Variants in KLHDC8A observed in about 807,000 individuals in gnomAD.
KLHDC8A encodes the protein kelch domain containing 8A.
In KLHDC8A, 21 loss-of-function variants were observed where a neutral mutation model predicts 33.1. The observed-to-expected ratio is 0.64, with a 90% confidence interval of 0.45 to 0.91. KLHDC8A has a LOEUF of 0.91. Among genes scored for constraint, KLHDC8A ranks in the 40% least tolerant of loss-of-function variants. The probability of loss-of-function intolerance (pLI) is 0.00; values close to 1 mark genes in which losing one functional copy is unlikely to be tolerated. For synonymous variants in KLHDC8A, 173 were observed against 193.5 expected, an observed-to-expected ratio of 0.89 and a Z score of 0.88; for missense variants, 435 against 483.3, an observed-to-expected ratio of 0.90 and a Z score of 0.94.
chr1:205,337,598 A>T lies in KLHDC8A; in HGVS notation c.860-6T>A, dbSNP rs781570378. 1.9e-6 allele frequency: 3 copies of T among 1,603,010 alleles called. No homozygotes were observed. Among genetic ancestry groups the T allele is most frequent in the Non-Finnish European group, 2.6e-6 (3 of 1,173,324 alleles). ...CAGGACAGTGGGTTGATTCCCTGAA[A>T]GTGTCAAGGGAATCAGACCTTACAA... On this transcript the variant is annotated splice_polypyrimidine_tract_variant and splice_region_variant and intron_variant, in intron 5 of 5. Coordinates refer to ENST00000367155, the MANE Select transcript of KLHDC8A (RefSeq NM_018203.3).
At position 205,343,676 on chromosome 1, in the gene KLHDC8A, C is replaced by T; in HGVS notation, c.-72G>A. The stretch of plus-strand genomic sequence containing the variant: ...GGGTCCACCGGCTACTTGGCGCCGG[C>T]TCCCACGGCCCCTATCGCCACCTCC... On this transcript the variant is annotated 5_prime_UTR_variant, in exon 2 of 6. Coordinates refer to ENST00000367155, the MANE Select transcript of KLHDC8A (RefSeq NM_018203.3). 1 of 1,455,722 alleles carries T rather than the reference C, an allele frequency of 6.9e-7. No homozygotes were observed. The highest frequency in any genetic ancestry group is 2.4e-5 in the East Asian group (1 of 41,986). 90.2% of individuals were successfully genotyped at this position (1,455,722 alleles called of 1,614,324 possible). A position where few individuals can be genotyped will look rare whatever the true frequency, so the allele number is the denominator to read the frequency against.
At chr1:205,338,241 A>G (rs1007966275) in intron 5 of KLHDC8A, among the ~76,000 whole-genome samples, 5 of 152,204 alleles carry the variant, frequency 3.3e-5, no homozygotes, top group Admixed American at 6.5e-5. Flanking sequence ...CCTGTGCTGC[A>G]CGGCTACGGG....
chr1:205,349,785 C>T (rs1013699451), intron 1 of KLHDC8A, among the ~76,000 whole-genome samples: 4 of 152,150 alleles, frequency 2.6e-5, no homozygotes, highest in Admixed American at 1.3e-4. Flanking sequence ...TATTGCCGCC[C>T]GGGCCATACT....
At position 205,343,784 on chromosome 1, in the gene KLHDC8A, A is replaced by C. The variant is rs1671487065; in HGVS notation, c.-180T>G. 2 of 668,666 alleles carry C rather than the reference A, an allele frequency of 3.0e-6. No individual in the cohort carries two copies. The highest frequency in any genetic ancestry group is 3.5e-5 in the Admixed American group (1 of 28,864). 41.4% of individuals were successfully genotyped at this position (668,666 alleles called of 1,614,324 possible). ...GAGTCTCAGCGGTCCGGCGGCGTCC[A>C]CGCCTGGCCCTGCGGGGGGAACGCG... On this transcript the variant is annotated 5_prime_UTR_variant, in exon 2 of 6. Coordinates refer to ENST00000367155, the MANE Select transcript of KLHDC8A (RefSeq NM_018203.3).
At position 205,343,513 on chromosome 1, in the gene KLHDC8A, C is replaced by A. The variant is rs1210983433; in HGVS notation, c.92G>T (p.Gly31Val). ...RVYCSLLETG[G>V]QVYAIGGCDD... is the part of the protein sequence containing the mutation. ...ACATCCCCCGATGGCATAGACCTGG[C>A]CCCCGGTCTCCAGCAGGGAGCAGTA... Residue 31 changes from glycine (G) to valine (V), a missense_variant, in exon 2 of 6, where the codon GGC (glycine) becomes GTC (valine). Gly to Val is a moderately radical substitution (Grantham distance 109). Transcript: ENST00000367155. 5 of 1,613,068 alleles carry A rather than the reference C, an allele frequency of 3.1e-6. No individual in the cohort carries two copies. Among genetic ancestry groups the A allele is most frequent in the Non-Finnish European group, 4.2e-6 (5 of 1,179,616 alleles).
chr1:205,346,232 C>T (rs866446412), intron 1 of KLHDC8A, among the ~76,000 whole-genome samples: 6 of 152,184 alleles, frequency 3.9e-5, no homozygotes, highest in African/African-American at 4.8e-5. Context: ...TGAAATTTCA[C>T]GGAAACACCA....
intron 1 of KLHDC8A, among the ~76,000 whole-genome samples, chr1:205,353,451 C>T (rs1441729677): frequency 6.6e-6 from 1 of 152,198 alleles, no homozygotes; most frequent in Non-Finnish European, 1.5e-5. Flanking sequence ...CTATCTGGCC[C>T]TTTACAGAAA....
chr1:205,351,644 C>T (rs1663112359), intron 1 of KLHDC8A, among the ~76,000 whole-genome samples: 1 of 146,596 alleles, frequency 6.8e-6, no homozygotes, highest in Non-Finnish European at 1.5e-5. Context: ...CTTGGCTGGG[C>T]GTAGTGGCTC....
At chr1:205,353,391 T>C (rs7533637) in intron 1 of KLHDC8A, among the ~76,000 whole-genome samples, 51,439 of 152,106 alleles carry the variant, frequency 0.34, 8,941 homozygotes, top group South Asian at 0.41. Context: ...AACAGCAGAA[T>C]GGAGTAGTTG....
In KLHDC8A at chr1:205,356,598, G is replaced by A. The variant is rs1015067946; in HGVS notation, c.-255C>T. The A allele has an allele frequency of 6.6e-6, 3 of 456,192 alleles. No homozygotes were observed. Among genetic ancestry groups the A allele is most frequent in the East Asian group, 1.4e-4 (2 of 14,402 alleles). The allele number at this position is 456,192 out of a possible 1,614,324, so 28.3% of individuals were successfully genotyped here. A position where few individuals can be genotyped will look rare whatever the true frequency, so the allele number is the denominator to read the frequency against. ...CAAAAGACAAAGAAGGGGAGGGGCC[G>A]GGAGAGGGTCGAGCGGGTGTTGGCT... On this transcript the variant is annotated 5_prime_UTR_variant, in exon 1 of 6. Transcript: ENST00000367155.
chr1:205,338,972 G>A lies in KLHDC8A; in HGVS notation c.757+222C>T, dbSNP rs1032956367. On this transcript the variant is annotated intron_variant, in intron 4 of 5. Transcript: ENST00000367155. ...AAGAAAAGACAATATAGGTAGAAAA[G>A]GGGCTTTGATAAAAACCAACCAAGC... is the stretch of plus-strand genomic sequence containing the variant. Among the ~76,000 whole-genome samples, 6 of 152,120 alleles carry A rather than the reference G, an allele frequency of 3.9e-5. No homozygotes were observed. In the East Asian group the frequency reaches 5.8e-4, roughly 15 times the overall value.
intron 1 of KLHDC8A, among the ~76,000 whole-genome samples, chr1:205,345,428 T>C (rs1000683637): frequency 3.3e-5 from 5 of 152,144 alleles, no homozygotes; most frequent in African/African-American, 9.7e-5. Flanking sequence ...GGTTTTGAAA[T>C]TGATCGGTAA....
intron 1 of KLHDC8A, among the ~76,000 whole-genome samples, chr1:205,350,801 C>CTGTG (rs1308873935): frequency 4.0e-5 from 3 of 74,420 alleles, no homozygotes; most frequent in African/African-American, 8.3e-5. Flanking sequence ...GCGTGCGTGC[C>CTGTG]TGTGTGTGCA....
rs761662116 is a variant in KLHDC8A at position 205,337,262 on chromosome 1, C to A, written c.*137G>T. The stretch of plus-strand genomic sequence containing the variant: ...GAGCTATAGAGAGGTCAACTTAGAG[C>A]CCCAAGGCCAGACTCCACTGGTTGC... On this transcript the variant is annotated 3_prime_UTR_variant, in exon 6 of 6. Coordinates refer to ENST00000367155, the MANE Select transcript of KLHDC8A (RefSeq NM_018203.3). 5.9e-6 allele frequency: 4 copies of A among 682,902 alleles called. No individual in the cohort carries two copies. Among genetic ancestry groups the A allele is most frequent in the Non-Finnish European group, 1.0e-5 (4 of 396,100 alleles). The allele number at this position is 682,902 out of a possible 1,614,324, so 42.3% of individuals were successfully genotyped here.
intron 1 of KLHDC8A, chr1:205,348,333 A>C (rs183298365): frequency 1.3e-5 from 2 of 151,972 alleles, no homozygotes; most frequent in African/African-American, 4.8e-5. Flanking sequence ...GGAGTTGTTT[A>C]GTGATTAGCT....
chr1:205,356,497 C>T (rs1243014977), intron 1 of KLHDC8A, 36 bp downstream of exon 1: 3 of 455,532 alleles, frequency 6.6e-6, no homozygotes, highest in South Asian at 4.7e-5. Context: ...AATGCCAAGG[C>T]ATCACTCTGC....
At position 205,343,459 on chromosome 1, in the gene KLHDC8A, A is replaced by T. The variant is rs780260628; in HGVS notation, c.146T>A (p.Phe49Tyr). 1 of 1,613,526 alleles carries T rather than the reference A, an allele frequency of 6.2e-7. No individual in the cohort carries two copies. The highest frequency in any genetic ancestry group is 8.5e-7 in the Non-Finnish European group (1 of 1,179,870). ...GTCGGCCTCCGGGGAGTAGACCTCG[A>T]AGCAGTCCATGGGGACGCCGTTGTC... ...CDDNGVPMDC[F>Y]EVYSPEADQW... Residue 49 changes from phenylalanine to tyrosine, a missense_variant, in exon 2 of 6, where the codon TTC (phenylalanine) becomes TAC (tyrosine). Physicochemically the swap from Phe to Tyr is conservative, Grantham distance 22. Transcript: ENST00000367155.
intron 2 of KLHDC8A, among the ~76,000 whole-genome samples, chr1:205,340,868 G>C (rs544831098): frequency 2.5e-4 from 38 of 152,298 alleles, no homozygotes; most frequent in Non-Finnish European, 4.3e-4. Flanking sequence ...AATAAGATGA[G>C]TCATGCTGTC....
rs1574903267 is a variant in KLHDC8A at position 205,336,311 on chromosome 1, A to C, written c.*1088T>G. The C allele has an allele frequency of 2.6e-5, 4 of 152,382 alleles. No homozygotes were observed. Among genetic ancestry groups the C allele is most frequent in the Admixed American group, 2.0e-4 (3 of 15,276 alleles). The allele number at this position is 152,382 out of a possible 1,614,324, so 9.4% of individuals were successfully genotyped here. A position where few individuals can be genotyped will look rare whatever the true frequency, so the allele number is the denominator to read the frequency against. ...GACTAACACGCAGTCTCAAGGCAGG[A>C]GAAGAAGAACATGTGCTGTTTTCCT... is the stretch of plus-strand genomic sequence containing the variant. On this transcript the variant is annotated 3_prime_UTR_variant, in exon 6 of 6. Coordinates refer to ENST00000367155, the MANE Select transcript of KLHDC8A (RefSeq NM_018203.3).
Sources: gnomAD v4.1 joint callset for allele counts (sites outside exome capture counted in the v4.1 genomes callset) on GRCh38, gnomAD v4.1.1 for gene constraint, MANE v1.5 for transcripts, NCBI Gene and HGNC (gene_info 2026-07-23, HGNC 2026-07-21) for gene names.